Variants in SGIP1 observed in about 807,000 individuals in gnomAD.
The protein encoded by SGIP1 is SH3-containing GRB2-like protein 3-interacting protein 1.
SGIP1 carries 38 observed loss-of-function variants against 107.5 expected under a neutral mutation model. That is an observed-to-expected ratio of 0.35 (90% CI 0.27 to 0.46). The LOEUF is 0.46. Ranked by LOEUF, SGIP1 falls within the 20% of genes least tolerant of loss-of-function variation. The pLI, the probability that SGIP1 is intolerant of heterozygous loss-of-function variation, is 1.00. For synonymous variants in SGIP1, 365 were observed against 366.1 expected, an observed-to-expected ratio of 1.00 and a Z score of 0.03; for missense variants, 929 against 1,019.5, an observed-to-expected ratio of 0.91 and a Z score of 1.21.
chr1:66,719,272 G>A (rs773482345), intron 18 of SGIP1, 22 bp from the exon 19 acceptor site: 7 of 1,546,378 alleles, frequency 4.5e-6, no homozygotes, highest in Non-Finnish European at 5.3e-6. Context: ...CATAATAAAT[G>A]AAAATTTTTC....
At chr1:66,703,624 CAT>C (rs1417592523) in intron 18 of SGIP1, among the ~76,000 whole-genome samples, 1 of 150,772 alleles carries the variant, frequency 6.6e-6, no homozygotes, top group African/African-American at 2.4e-5. Context: ...TATTCTATAT[CAT>C]ATGTGTGATA....
intron 19 of SGIP1, among the ~76,000 whole-genome samples, chr1:66,721,977 T>A (rs2093558773): frequency 6.6e-6 from 1 of 152,102 alleles, no homozygotes; most frequent in South Asian, 2.1e-4. Flanking sequence ...CATAATACTC[T>A]TACAAGACCC....
chr1:66,536,153 A>G (rs2053548952), intron 1 of SGIP1, among the ~76,000 whole-genome samples: 1 of 152,222 alleles, frequency 6.6e-6, no homozygotes, highest in Non-Finnish European at 1.5e-5. Flanking sequence ...TGAGAACTGC[A>G]ACAAAGACTT....
chr1:66,541,909 C>T (rs909305417), intron 1 of SGIP1, among the ~76,000 whole-genome samples: 2 of 152,136 alleles, frequency 1.3e-5, no homozygotes, highest in Admixed American at 1.3e-4. Context: ...GCAACAATGT[C>T]CCCCTTCTTC....
At chr1:66,700,619 A>T (rs937284402) in intron 18 of SGIP1, among the ~76,000 whole-genome samples, 4 of 147,628 alleles carry the variant, frequency 2.7e-5, no homozygotes, top group African/African-American at 9.8e-5. Flanking sequence ...CATGTGTACT[A>T]TGTATAATAA....
chr1:66,631,036 GAAGAAAGGAAGAAAGAAAGA>G lies in SGIP1; in HGVS notation c.75-2026_75-2007del, dbSNP rs1297616528. ...AGGAAGGGAAAGGAAAGGAAGGAAGGAAGAAAGGAAGAAAGAAAGAAAGAAAGAAAGAAAGAAAGAAAGAA... is the reference window on the plus strand; with the variant it reads ...AGGAAGGGAAAGGAAAGGAAGGAAGGAAGAAAGAAAGAAAGAAAGAAAGAA... On this transcript the variant is annotated intron_variant, in intron 2 of 24. Coordinates refer to ENST00000371037, the MANE Select transcript of SGIP1 (RefSeq NM_032291.4). Among the ~76,000 whole-genome samples, 400 of 94,390 alleles carry G rather than the reference GAAGAAAGGAAGAAAGAAAGA, an allele frequency of 4.2e-3. 3 individuals carry two copies. Among genetic ancestry groups the G allele is most frequent in the African/African-American group, 0.016 (378 of 23,832 alleles). The allele number at this position is 94,390 out of a possible 152,430, so 61.9% of individuals were successfully genotyped here.
chr1:66,559,585 A>G (rs1430529526), intron 1 of SGIP1, among the ~76,000 whole-genome samples: 1 of 152,076 alleles, frequency 6.6e-6, no homozygotes, highest in African/African-American at 2.4e-5. Context: ...ATGGCTCCGC[A>G]ATGTCTTCAA....
intron 1 of SGIP1, among the ~76,000 whole-genome samples, chr1:66,594,011 T>C (rs955251690): frequency 6.6e-6 from 1 of 152,212 alleles, no homozygotes; most frequent in Non-Finnish European, 1.5e-5. Context: ...GAAATAAGAC[T>C]ATTATTCATG....
chr1:66,706,517 A>C (rs1008428313), intron 18 of SGIP1, among the ~76,000 whole-genome samples: 2 of 149,198 alleles, frequency 1.3e-5, no homozygotes, highest in Non-Finnish European at 3.0e-5. Context: ...TCTAAATATT[A>C]TCTTTTCTCT....
chr1:66,708,493 A>C (rs1239856670), intron 18 of SGIP1, among the ~76,000 whole-genome samples: 1 of 152,144 alleles, frequency 6.6e-6, no homozygotes, highest in African/African-American at 2.4e-5. Flanking sequence ...GTGTACATTC[A>C]CTTTTCTTTC....
chr1:66,662,788 C>T (rs2081777049), intron 8 of SGIP1, among the ~76,000 whole-genome samples: 1 of 152,074 alleles, frequency 6.6e-6, no homozygotes, highest in South Asian at 2.1e-4. Flanking sequence ...GGAAGACCAA[C>T]AGAAATCTAG....
At chr1:66,675,102 A>G (rs1031051731) in intron 12 of SGIP1, among the ~76,000 whole-genome samples, 1 of 152,212 alleles carries the variant, frequency 6.6e-6, no homozygotes, top group East Asian at 1.9e-4. Context: ...GACATATCGT[A>G]TGGTGACTGG....
intron 2 of SGIP1, chr1:66,628,616 G>A (rs1216343177): frequency 3.2e-5 from 5 of 154,574 alleles, no homozygotes; most frequent in Middle Eastern, 5.6e-4. Context: ...GAGATTTCTG[G>A]CATGTGAGGA....
At chr1:66,741,773 T>TTA (rs1051472575) in intron 24 of SGIP1, among the ~76,000 whole-genome samples, 1 of 149,796 alleles carries the variant, frequency 6.7e-6, no homozygotes, top group East Asian at 1.9e-4. Context: ...TTTTATTTAT[T>TTA]TTTTTTTTTG....
At chr1:66,737,886 T>C (rs573063215) in intron 21 of SGIP1, among the ~76,000 whole-genome samples, 49 of 152,166 alleles carry the variant, frequency 3.2e-4, no homozygotes, top group Non-Finnish European at 5.6e-4. Context: ...AAATGGCCCT[T>C]AAATTGCAGC....
intron 1 of SGIP1, among the ~76,000 whole-genome samples, chr1:66,610,244 G>A (rs559640022): frequency 4.6e-5 from 7 of 152,186 alleles, no homozygotes; most frequent in Admixed American, 1.3e-4. Context: ...ACAGAAACTA[G>A]GTATGAGTTT....
intron 17 of SGIP1, 175 bp downstream of exon 17, chr1:66,690,491 T>C: frequency 1.3e-6 from 1 of 781,440 alleles, no homozygotes; most frequent in Non-Finnish European, 2.0e-6. Flanking sequence ...CAAAGTGCTT[T>C]ACCTAAGCAA....
At chr1:66,687,608 T>A (rs1486444476) in intron 15 of SGIP1, among the ~76,000 whole-genome samples, 2 of 152,218 alleles carry the variant, frequency 1.3e-5, no homozygotes, top group Non-Finnish European at 2.9e-5. Flanking sequence ...TTTAAGAGCG[T>A]GAGCTTTGGA....
Position 66,689,129 on chromosome 1 carries a change from A to T in SGIP1, c.1316-19A>T, listed in dbSNP as rs2089242619. ...GCCCCCTGTGTTTCCAGCCATTTTA[A>T]TGCTAGTTTGTTTTTCAGGTGCATC... On this transcript the variant is annotated intron_variant, in intron 15 of 24. Transcript: ENST00000371037. The T allele has an allele frequency of 6.2e-7, 1 of 1,607,736 alleles. No individual in the cohort carries two copies. Among genetic ancestry groups the T allele is most frequent in the African/African-American group, 1.3e-5 (1 of 74,614 alleles).
Sources: gnomAD v4.1 joint callset for allele counts (sites outside exome capture counted in the v4.1 genomes callset) on GRCh38, gnomAD v4.1.1 for gene constraint, MANE v1.5 for transcripts, NCBI Gene and HGNC (gene_info 2026-07-23, HGNC 2026-07-21) for gene names.